The following DPY19L2 variants were observed in gnomAD, a reference collection of about 807,000 sequenced individuals.
DPY19L2 encodes dpy-19 like 2.
In DPY19L2, 34 loss-of-function variants were observed where a neutral mutation model predicts 97.9. The ratio of observed to expected loss-of-function variants is 0.35; its 90% CI spans 0.26 to 0.46. DPY19L2 has a LOEUF of 0.46. Ranked by LOEUF, DPY19L2 falls within the 20% of genes least tolerant of loss-of-function variation. The pLI is 1.00. For synonymous variants in DPY19L2, 230 were observed against 307.9 expected (o/e 0.75, Z 2.65); for missense variants, 623 against 911.4 (o/e 0.68, Z 4.07).
chr12:63,650,699 A>T (rs1894083604), intron 4 of DPY19L2, among the ~76,000 whole-genome samples: 1 of 152,186 alleles, frequency 6.6e-6, no homozygotes, highest in African/African-American at 2.4e-5. Context: ...GGCAATAAAA[A>T]CAAATGGAAA....
At chr12:63,665,915 T>C in intron 1 of DPY19L2, 56 bp from the exon 2 acceptor site, 4 of 1,382,440 alleles carry the variant, frequency 2.9e-6, no homozygotes, top group African/African-American at 1.5e-5. Context: ...TAAAATACCA[T>C]TAAAACAAGT....
Position 63,613,532 on chromosome 12 carries a change from TA to T in DPY19L2, c.1218+3771del, listed in dbSNP as rs201460415. 6.0e-3 allele frequency among the ~76,000 whole-genome samples: 910 copies of T among 152,084 alleles called. 2 individuals are homozygous for T. The highest frequency in any genetic ancestry group is 0.021 in the African/African-American group (875 of 41,480). ...ACTTAAGGATGAAAGACTGAACAAT[TA>T]AACAAAACTTACATTTCAAAATGAG... On this transcript the variant is annotated intron_variant, in intron 11 of 21. Coordinates refer to ENST00000324472, the MANE Select transcript of DPY19L2 (RefSeq NM_173812.5).
chr12:63,584,032 A>G, intron 16 of DPY19L2, 196 bp from the exon 17 acceptor site: 1 of 531,714 alleles, frequency 1.9e-6, no homozygotes, highest in Non-Finnish European at 3.4e-6. Flanking sequence ...ATTTATAGTC[A>G]TCCTATTCAA....
Position 63,668,228 on chromosome 12 carries a change from G to A in DPY19L2, c.166C>T (p.Pro56Ser), listed in dbSNP as rs866111713. The change falls in exon 1 of 22, where the codon CCG becomes TCG. Residue 56 changes from proline to serine, a missense_variant. Transcript: ENST00000324472. ...KLPRGSWRSSPGRIQSLKERK... is the reference protein window; with the variant it reads ...KLPRGSWRSSSGRIQSLKERK... ...TCTTTCAGACTTTGGATCCTCCCCG[G>A]GGAGGACCTCCAGGAGCCCCTTGGC... 4 of 1,613,792 alleles carry A rather than the reference G, an allele frequency of 2.5e-6. No homozygotes were observed. In the African/African-American group the frequency reaches 4.0e-5, roughly 16 times the overall value.
At chr12:63,606,730 T>A (rs188698998) in intron 12 of DPY19L2, among the ~76,000 whole-genome samples, 102 of 152,286 alleles carry the variant, frequency 6.7e-4, no homozygotes, top group African/African-American at 2.3e-3. Flanking sequence ...ACTATCCTTA[T>A]CTGGCCTTAG....
chr12:63,581,286 T>C (rs538944735), intron 18 of DPY19L2, among the ~76,000 whole-genome samples: 3 of 151,976 alleles, frequency 2.0e-5, no homozygotes, highest in Non-Finnish European at 1.5e-5. Flanking sequence ...CGAAGTAAGG[T>C]GTTTGTAGAA....
intron 21 of DPY19L2, among the ~76,000 whole-genome samples, chr12:63,561,992 T>G: frequency 6.6e-6 from 1 of 152,192 alleles, no homozygotes; most frequent in Non-Finnish European, 1.5e-5. Flanking sequence ...AATATCTTCT[T>G]TGGTGAAATT....
intron 6 of DPY19L2, among the ~76,000 whole-genome samples, chr12:63,643,579 T>C (rs745979004): frequency 6.6e-6 from 1 of 152,182 alleles, no homozygotes; most frequent in Non-Finnish European, 1.5e-5. Flanking sequence ...TTACACAATA[T>C]GGATGTTGTT....
At chr12:63,579,096 C>A (rs963277792) in intron 19 of DPY19L2, among the ~76,000 whole-genome samples, 3 of 152,140 alleles carry the variant, frequency 2.0e-5, no homozygotes, top group African/African-American at 7.2e-5. Context: ...CCCTCCCACT[C>A]CACTTTCTGT....
At chr12:63,648,947 A>T (rs991224834) in intron 4 of DPY19L2, among the ~76,000 whole-genome samples, 2 of 152,114 alleles carry the variant, frequency 1.3e-5, no homozygotes, top group Non-Finnish European at 2.9e-5. Context: ...GCATGCTTAA[A>T]ACAAATGGAA....
chr12:63,626,658 T>C, intron 6 of DPY19L2, 132 bp from the exon 7 acceptor site: 1 of 1,177,322 alleles, frequency 8.5e-7, no homozygotes, highest in Non-Finnish European at 1.2e-6. Context: ...TACTAAACCA[T>C]ACCCATGTGG....
chr12:63,565,110 T>C (rs1877395906), intron 21 of DPY19L2, among the ~76,000 whole-genome samples: 1 of 152,218 alleles, frequency 6.6e-6, no homozygotes, highest in Non-Finnish European at 1.5e-5. Flanking sequence ...TTCGTTTCTT[T>C]ATATTTAAGT....
intron 6 of DPY19L2, among the ~76,000 whole-genome samples, chr12:63,633,063 T>A (rs1218784883): frequency 6.6e-6 from 1 of 152,118 alleles, no homozygotes; most frequent in Admixed American, 6.6e-5. Context: ...CAAAAATTAA[T>A]TCAAGATTGA....
chr12:63,634,433 C>T (rs1291553060), intron 6 of DPY19L2, among the ~76,000 whole-genome samples: 4 of 152,108 alleles, frequency 2.6e-5, no homozygotes, highest in African/African-American at 9.7e-5. Context: ...CTGGGTTCAT[C>T]TCACTGGGGC....
At chr12:63,662,734 C>T (rs1478102803) in intron 3 of DPY19L2, among the ~76,000 whole-genome samples, 1 of 152,172 alleles carries the variant, frequency 6.6e-6, no homozygotes, top group Admixed American at 6.5e-5. Flanking sequence ...CACAGTTACA[C>T]TCTTTATTTA....
intron 16 of DPY19L2, among the ~76,000 whole-genome samples, chr12:63,591,687 T>G (rs1473792365): frequency 6.6e-6 from 1 of 151,710 alleles, no homozygotes; most frequent in Non-Finnish European, 1.5e-5. Flanking sequence ...AATTCATAAA[T>G]ATTCAGGAAC....
At chr12:63,607,456 CA>C (rs1444126538) in intron 12 of DPY19L2, among the ~76,000 whole-genome samples, 1 of 151,874 alleles carries the variant, frequency 6.6e-6, no homozygotes, top group Non-Finnish European at 1.5e-5. Context: ...AATAAAAAGA[CA>C]AAAAAAGCAT....
intron 11 of DPY19L2, among the ~76,000 whole-genome samples, chr12:63,613,795 A>C (rs911602475): frequency 2.6e-5 from 4 of 152,132 alleles, no homozygotes; most frequent in African/African-American, 9.6e-5. Context: ...ATAAGATAAA[A>C]AGTATTCAAG....
chr12:63,624,395 T>C (rs751095773), intron 7 of DPY19L2, among the ~76,000 whole-genome samples: 9 of 151,926 alleles, frequency 5.9e-5, no homozygotes, highest in Non-Finnish European at 1.3e-4. Flanking sequence ...AGATTGTACG[T>C]ATAAGAGTTG....
Sources: gnomAD v4.1 joint callset for allele counts (sites outside exome capture counted in the v4.1 genomes callset) on GRCh38, gnomAD v4.1.1 for gene constraint, MANE v1.5 for transcripts, NCBI Gene and HGNC (gene_info 2026-07-23, HGNC 2026-07-21) for gene names.